The following MACROD2 variants were observed in gnomAD, a reference collection of about 807,000 sequenced individuals.
The protein encoded by MACROD2 is ADP-ribose glycohydrolase MACROD2.
Under a neutral mutation model 70.4 loss-of-function variants are expected in MACROD2, and 36 were observed. The observed-to-expected ratio is 0.51, with a 90% CI of 0.39 to 0.68. MACROD2 has a LOEUF of 0.68. MACROD2 is among the 30% of genes least tolerant of loss of function. MACROD2 has a pLI of 0.00. For missense variants in MACROD2, 496 were observed against 538.4 expected (o/e 0.92, Z 0.78); for synonymous variants, 172 against 178.8 (o/e 0.96, Z 0.30).
chr20:14,209,954 G>A (rs1021816813), intron 3 of MACROD2, among the ~76,000 whole-genome samples: 1 of 152,058 alleles, frequency 6.6e-6, no homozygotes, highest in East Asian at 1.9e-4. Flanking sequence ...CAGAAATTCT[G>A]ATAAATACAA....
At chr20:15,724,951 A>G (rs904474861) in intron 8 of MACROD2, among the ~76,000 whole-genome samples, 4 of 152,032 alleles carry the variant, frequency 2.6e-5, no homozygotes, top group East Asian at 1.9e-4. Context: ...GTATGGTGGC[A>G]GGCGCCTGTA....
intron 6 of MACROD2, among the ~76,000 whole-genome samples, chr20:15,411,194 GAGAA>G (rs1442080780): frequency 7.5e-6 from 1 of 133,428 alleles, no homozygotes; most frequent in African/African-American, 2.7e-5. Flanking sequence ...CTGAGAGAGA[GAGAA>G]AGAGATTTTT....
At chr20:15,214,348 C>T (rs1024321243) in intron 5 of MACROD2, among the ~76,000 whole-genome samples, 6 of 152,010 alleles carry the variant, frequency 3.9e-5, no homozygotes, top group Non-Finnish European at 8.8e-5. Context: ...ACTCTAAGTC[C>T]ATGGCTAGAT....
chr20:15,256,541 TC>T (rs1204531117), intron 6 of MACROD2, among the ~76,000 whole-genome samples: 1 of 151,864 alleles, frequency 6.6e-6, no homozygotes, highest in Non-Finnish European at 1.5e-5. Flanking sequence ...AGGTCAAAAG[TC>T]CCAATTATAT....
intron 4 of MACROD2, among the ~76,000 whole-genome samples, chr20:14,610,421 G>T (rs1983084942): frequency 6.6e-6 from 1 of 151,940 alleles, no homozygotes; most frequent in Non-Finnish European, 1.5e-5. Context: ...TTGTCACTCT[G>T]TGTTATAATG....
At chr20:15,290,073 T>A (rs2077528224) in intron 6 of MACROD2, among the ~76,000 whole-genome samples, 1 of 152,160 alleles carries the variant, frequency 6.6e-6, no homozygotes, top group African/African-American at 2.4e-5. Context: ...GAAGCCAGAA[T>A]CACAGGACTA....
intron 5 of MACROD2, among the ~76,000 whole-genome samples, chr20:15,073,056 G>T (rs938107186): frequency 1.3e-5 from 2 of 151,978 alleles, no homozygotes; most frequent in Non-Finnish European, 2.9e-5. Context: ...TATCAAGAAG[G>T]CCTCTACCAG....
At chr20:14,570,738 AT>A in intron 4 of MACROD2, among the ~76,000 whole-genome samples, 1 of 152,136 alleles carries the variant, frequency 6.6e-6, no homozygotes, top group South Asian at 2.1e-4. Context: ...AGTCTCAAAA[AT>A]ATTTACTCCC....
chr20:15,621,949 A>G (rs1006509054), intron 8 of MACROD2, among the ~76,000 whole-genome samples: 10 of 152,202 alleles, frequency 6.6e-5, no homozygotes, highest in Admixed American at 5.2e-4. Context: ...AAAACAGATC[A>G]ATAATTGATT....
chr20:14,286,412 G>T (rs1335996616), intron 3 of MACROD2, among the ~76,000 whole-genome samples: 1 of 151,982 alleles, frequency 6.6e-6, no homozygotes, highest in African/African-American at 2.4e-5. Context: ...TGTTATAATA[G>T]CTGGCTATTC....
intron 2 of MACROD2, chr20:14,052,990 ATAG>A (rs941962622): frequency 2.6e-5 from 4 of 151,864 alleles, no homozygotes; most frequent in Non-Finnish European, 5.9e-5. Context: ...AAACCATATA[ATAG>A]TAGAGTTTTT....
At chr20:15,907,930 G>T (rs924964201) in intron 10 of MACROD2, among the ~76,000 whole-genome samples, 1 of 152,032 alleles carries the variant, frequency 6.6e-6, no homozygotes. Context: ...TCAAGCTTTG[G>T]GTTGGTTAAC....
intron 5 of MACROD2, among the ~76,000 whole-genome samples, chr20:14,961,837 C>A (rs114322845): frequency 2.6e-5 from 4 of 152,202 alleles, no homozygotes; most frequent in African/African-American, 7.2e-5. Context: ...AAAAAATATA[C>A]ACCTCTCTCA....
At chr20:15,666,550 G>T (rs12480842) in intron 8 of MACROD2, among the ~76,000 whole-genome samples, 6,048 of 152,116 alleles carry the variant, frequency 0.04, 251 homozygotes, top group East Asian at 0.2. Flanking sequence ...GTTCATTATT[G>T]ATTTCAGTTT....
At chr20:15,012,424 G>A (rs1285125427) in intron 5 of MACROD2, among the ~76,000 whole-genome samples, 1 of 152,096 alleles carries the variant, frequency 6.6e-6, no homozygotes, top group Non-Finnish European at 1.5e-5. Context: ...AAATTACCTA[G>A]AACAAAAGAA....
intron 5 of MACROD2, among the ~76,000 whole-genome samples, chr20:15,137,050 C>G (rs1205768543): frequency 1.3e-5 from 2 of 149,162 alleles, no homozygotes; most frequent in Non-Finnish European, 3.0e-5. Flanking sequence ...ATTAAAAAGT[C>G]AGGAAACAAC....
chr20:15,173,615 C>T (rs1170763279), intron 5 of MACROD2, among the ~76,000 whole-genome samples: 1 of 151,568 alleles, frequency 6.6e-6, no homozygotes, highest in Non-Finnish European at 1.5e-5. Flanking sequence ...GGCTGAATTT[C>T]AAGCTGTGTT....
At chr20:15,883,535 G>T (rs747969406) in intron 9 of MACROD2, among the ~76,000 whole-genome samples, 2 of 151,890 alleles carry the variant, frequency 1.3e-5, no homozygotes, top group Non-Finnish European at 2.9e-5. Context: ...ATCAAGAATT[G>T]CCTTTCTAAA....
chr20:14,326,152 A>G lies in MACROD2; in HGVS notation c.272-167327A>G, dbSNP rs1183225990. The stretch of plus-strand genomic sequence containing the variant: ...TTCCCCTGTTACAATTGTTTCTGTT[A>G]TAGATCCAAATGCCGGGCTATGGCC... On this transcript the variant is annotated intron_variant, in intron 3 of 17. Coordinates refer to ENST00000684519, the MANE Select transcript of MACROD2 (RefSeq NM_001351661.2). This position sits in a 1 kb window ranked among gnomAD's most constrained non-coding sequence, Gnocchi z 5.5. 3.7e-6 allele frequency: 6 copies of G among 1,613,798 alleles called. No individual in the cohort carries two copies. Among genetic ancestry groups the G allele is most frequent in the Non-Finnish European group, 5.1e-6 (6 of 1,179,894 alleles).
Sources: gnomAD v4.1 joint callset for allele counts (sites outside exome capture counted in the v4.1 genomes callset) on GRCh38, gnomAD v4.1.1 for gene constraint, Gnocchi (gnomAD v3.1) non-coding constraint, MANE v1.5 for transcripts, NCBI Gene and HGNC (gene_info 2026-07-23, HGNC 2026-07-21) for gene names.